WWOX: variants seen among roughly 807,000 people sequenced by gnomAD.
The protein encoded by WWOX is WW domain containing oxidoreductase.
Under a neutral mutation model 46.2 loss-of-function variants are expected in WWOX, and 69 were observed. That is an observed-to-expected ratio of 1.49 (90% CI 1.23 to 1.82). The LOEUF (loss-of-function observed/expected upper bound fraction) is 1.82, where lower values mean the gene tolerates loss of function less well. Ranked by LOEUF, WWOX falls within the 40% of genes most tolerant of loss-of-function variation. The pLI, the probability that WWOX is intolerant of heterozygous loss-of-function variation, is 0.00. For synonymous variants in WWOX, 359 were observed against 202.6 expected (o/e 1.77, Z -6.56); for missense variants, 919 against 542.6 (o/e 1.69, Z -6.89).
At chr16:78,961,759 C>G (rs1391786179) in intron 8 of WWOX, among the ~76,000 whole-genome samples, 1 of 152,098 alleles carries the variant, frequency 6.6e-6, no homozygotes, top group Non-Finnish European at 1.5e-5. Context: ...ACTTGGGGAA[C>G]TTTATCTTTT....
chr16:79,157,989 G>A (rs781748968), intron 8 of WWOX, among the ~76,000 whole-genome samples: 1 of 152,188 alleles, frequency 6.6e-6, no homozygotes, highest in Non-Finnish European at 1.5e-5. Context: ...TGGGGTGTAA[G>A]TTCTGGATTG....
intron 8 of WWOX, among the ~76,000 whole-genome samples, chr16:79,033,613 A>C (rs1001914165): frequency 3.3e-5 from 5 of 152,120 alleles, no homozygotes; most frequent in African/African-American, 1.2e-4. Flanking sequence ...GAGTGGCTTT[A>C]AGGGCATTCA....
At chr16:78,390,264 CAACT>C (rs2082150948) in intron 6 of WWOX, among the ~76,000 whole-genome samples, 1 of 152,168 alleles carries the variant, frequency 6.6e-6, no homozygotes, top group South Asian at 2.1e-4. Flanking sequence ...TGAAGAGAGC[CAACT>C]GTTACATAAT....
chr16:78,692,013 CTG>C (rs2048001128), intron 8 of WWOX, among the ~76,000 whole-genome samples: 3 of 152,202 alleles, frequency 2.0e-5, no homozygotes, highest in Admixed American at 2.0e-4. Context: ...TCTCTTGCCA[CTG>C]CCATGTAAGA....
At chr16:78,661,760 G>T (rs2047219108) in intron 8 of WWOX, among the ~76,000 whole-genome samples, 1 of 152,184 alleles carries the variant, frequency 6.6e-6, no homozygotes, top group Non-Finnish European at 1.5e-5. Flanking sequence ...TAATAGACTG[G>T]GTACAATGGC....
At chr16:78,746,859 C>A (rs796840723) in intron 8 of WWOX, among the ~76,000 whole-genome samples, 2 of 152,026 alleles carry the variant, frequency 1.3e-5, no homozygotes, top group Non-Finnish European at 2.9e-5. Flanking sequence ...TCTTGTGAAC[C>A]CTTGAAATTT....
At chr16:78,827,186 G>A (rs1278185440) in intron 8 of WWOX, among the ~76,000 whole-genome samples, 1 of 152,160 alleles carries the variant, frequency 6.6e-6, no homozygotes, top group Non-Finnish European at 1.5e-5. Flanking sequence ...GGCATCAAGT[G>A]AAAGGGTAAA....
chr16:78,458,410 C>T (rs554579582), intron 8 of WWOX, among the ~76,000 whole-genome samples: 15 of 151,858 alleles, frequency 9.9e-5, no homozygotes, highest in Non-Finnish European at 2.1e-4. Flanking sequence ...ATTGGCAATG[C>T]CACCATGTTC....
intron 5 of WWOX, among the ~76,000 whole-genome samples, chr16:78,200,195 G>T (rs563166285): frequency 6.6e-6 from 1 of 152,008 alleles, no homozygotes; most frequent in East Asian, 1.9e-4. Context: ...TGCCTCAGCC[G>T]CTGACCCTGA....
At chr16:78,643,108 G>A (rs1360212037) in intron 8 of WWOX, among the ~76,000 whole-genome samples, 1 of 152,134 alleles carries the variant, frequency 6.6e-6, no homozygotes, top group South Asian at 2.1e-4. Context: ...TTGTTTACCT[G>A]AACAGGCAGA....
intron 8 of WWOX, among the ~76,000 whole-genome samples, chr16:78,490,612 G>C (rs1255227832): frequency 6.6e-6 from 1 of 152,184 alleles, no homozygotes; most frequent in African/African-American, 2.4e-5. Flanking sequence ...GAGACCAAAT[G>C]AAACAAACGA....
At chr16:78,940,123 C>G (rs965325044) in intron 8 of WWOX, among the ~76,000 whole-genome samples, 1 of 152,128 alleles carries the variant, frequency 6.6e-6, no homozygotes, top group Non-Finnish European at 1.5e-5. Flanking sequence ...TCTTCCGAGA[C>G]TTGGGACAAT....
intron 8 of WWOX, among the ~76,000 whole-genome samples, chr16:78,631,714 C>T (rs990053287): frequency 3.9e-5 from 6 of 151,926 alleles, no homozygotes; most frequent in Admixed American, 3.3e-4. Flanking sequence ...TTTGTAGGGA[C>T]AGGGTTTCAA....
intron 8 of WWOX, among the ~76,000 whole-genome samples, chr16:78,772,926 G>T (rs1475065260): frequency 6.6e-6 from 1 of 152,174 alleles, no homozygotes; most frequent in African/African-American, 2.4e-5. Context: ...TCAGGAGGTG[G>T]AGGTGGGAGG....
chr16:79,155,630 T>C (rs1051127537), intron 8 of WWOX, among the ~76,000 whole-genome samples: 7 of 150,244 alleles, frequency 4.7e-5, no homozygotes, highest in African/African-American at 1.8e-4. Context: ...TACTCAATGA[T>C]ACAGTGCGCA....
At chr16:78,827,545 A>C (rs2051691957) in intron 8 of WWOX, among the ~76,000 whole-genome samples, 1 of 152,100 alleles carries the variant, frequency 6.6e-6, no homozygotes, top group South Asian at 2.1e-4. Context: ...GTCTAAGAGA[A>C]AAAGGGGCTG....
At chr16:78,867,432 T>C (rs1006978524) in intron 8 of WWOX, among the ~76,000 whole-genome samples, 2 of 152,186 alleles carry the variant, frequency 1.3e-5, no homozygotes, top group African/African-American at 2.4e-5. Flanking sequence ...AGAGCTATTA[T>C]AGTTTCCAAT....
chr16:78,149,285 G>C (rs1019242882), intron 4 of WWOX, among the ~76,000 whole-genome samples: 3 of 152,176 alleles, frequency 2.0e-5, no homozygotes, highest in African/African-American at 7.2e-5. Context: ...TTACTGGTTG[G>C]AAGTATAGAA....
intron 1 of WWOX, among the ~76,000 whole-genome samples, chr16:78,103,776 T>C (rs2031954338): frequency 6.6e-6 from 1 of 152,106 alleles, no homozygotes; most frequent in Non-Finnish European, 1.5e-5. Context: ...TCTCCTACTG[T>C]AGCAGGGCCA....
Sources: gnomAD v4.1 joint callset for allele counts (sites outside exome capture counted in the v4.1 genomes callset) on GRCh38, gnomAD v4.1.1 for gene constraint, MANE v1.5 for transcripts, NCBI Gene and HGNC (gene_info 2026-07-23, HGNC 2026-07-21) for gene names.